The following SLC25A19 variants were observed in gnomAD, a reference collection of about 807,000 sequenced individuals.
SLC25A19 encodes the protein solute carrier family 25 member 19, also known as mitochondrial thiamine pyrophosphate carrier.
A neutral mutation model predicts 27.9 loss-of-function variants in SLC25A19; 18 were observed. The ratio of observed to expected loss-of-function variants is 0.64; its 90% CI spans 0.45 to 0.96. SLC25A19 has a LOEUF of 0.96. Ranked by LOEUF, SLC25A19 falls within the 40% of genes least tolerant of loss-of-function variation. The pLI is 0.00. For synonymous variants in SLC25A19, 169 were observed against 167.1 expected, an observed-to-expected ratio of 1.01 and a Z score of -0.09; for missense variants, 371 against 418.3, an observed-to-expected ratio of 0.89 and a Z score of 0.99.
At chr17:75,277,235 G>T in intron 7 of SLC25A19, 118 bp downstream of exon 7, 1 of 1,350,612 alleles carries the variant, frequency 7.4e-7, no homozygotes, top group Non-Finnish European at 1.0e-6. Context: ...ATGGACGCAG[G>T]TGAAGGGGCC....
rs569053393 is a variant in SLC25A19 at position 75,286,163 on chromosome 17, T to G, written c.288+141A>C. On this transcript the variant is annotated intron_variant, in intron 4 of 7. Coordinates refer to ENST00000416858, the MANE Select transcript of SLC25A19 (RefSeq NM_001126121.2). ...CTACGGTACTGCTGGTCAGGAAGGC[T>G]CCCGGGTGAGGCAGGTGGGAAGCGT... The G allele has an allele frequency of 2.9e-6, 3 of 1,025,792 alleles. No homozygotes were observed. The South Asian group carries it at 3.9e-5, about 13-fold the overall frequency. 63.5% of individuals were successfully genotyped at this position (1,025,792 alleles called of 1,614,324 possible).
chr17:75,289,099 A>C (rs544993088), intron 1 of SLC25A19: 1 of 152,306 alleles, frequency 6.6e-6, no homozygotes, highest in East Asian at 1.9e-4. Flanking sequence ...CTAGGTGTCC[A>C]CGTGTGCCTC....
In SLC25A19 at chr17:75,278,153, A is replaced by G. The variant is rs147091827; in HGVS notation, c.642T>C (p.Asn214=). The G allele has an allele frequency of 2.4e-4, 394 of 1,613,144 alleles. 5 individuals carry two copies. In the East Asian group the frequency reaches 6.7e-3, roughly 27 times the overall value. Residue 214 remains asparagine, a splice_region_variant and synonymous_variant, in exon 6 of 8, where the codon AAT becomes AAC. Coordinates refer to ENST00000416858, the MANE Select transcript of SLC25A19 (RefSeq NM_001126121.2). The part of the protein sequence containing the change: ...KWAIPAEGKK[N]ENLQNLLCGS... The stretch of plus-strand genomic sequence containing the variant: ...CCTCTCGTGTGAGGGCTGCCTCACC[A>G]TTTTTCTTTCCTTCGGCTGGTATGG...
At chr17:75,281,877 A>AC (rs2078046697) in intron 5 of SLC25A19, among the ~76,000 whole-genome samples, 1 of 152,152 alleles carries the variant, frequency 6.6e-6, no homozygotes. Context: ...GACATAGAGC[A>AC]CCCCGCACAG....
rs797045968 is a variant in SLC25A19 at position 75,273,625 on chromosome 17, C to G, written c.789G>C (p.Lys263Asn). 3 of 1,612,716 alleles carry G rather than the reference C, an allele frequency of 1.9e-6. No homozygotes were observed. Among genetic ancestry groups the G allele is most frequent in the South Asian group, 1.1e-5 (1 of 91,018 alleles). The change falls in exon 8 of 8, where the codon AAG becomes AAC. Residue 263 changes from lysine to asparagine, a missense_variant. Physicochemically the swap from Lys to Asn is moderately conservative, Grantham distance 94. Transcript: ENST00000416858. ...CCTGCTTGGCACAGTCCATGAGGCCCTTGTATCTCCGTACCTGGGGAGAGG... is the reference window on the plus strand; with the variant it reads ...CCTGCTTGGCACAGTCCATGAGGCCGTTGTATCTCCGTACCTGGGGAGAGG... ...RAAFGQVRRY[K>N]GLMDCAKQVL...
Position 75,280,209 on chromosome 17 carries a change from A to C in SLC25A19, c.460-1874T>G, listed in dbSNP as rs1016362994. On this transcript the variant is annotated intron_variant, in intron 5 of 7. Coordinates refer to ENST00000416858, the MANE Select transcript of SLC25A19 (RefSeq NM_001126121.2). ...TGGTGAATGAAACTCCATCTCTACAAAAAATACAAAAATTAGCCAGGTGTG... is the reference window on the plus strand; with the variant it reads ...TGGTGAATGAAACTCCATCTCTACACAAAATACAAAAATTAGCCAGGTGTG... Among the ~76,000 whole-genome samples, 10 of 152,048 alleles carry C rather than the reference A, an allele frequency of 6.6e-5. 1 individual carries two copies. Among genetic ancestry groups the C allele is most frequent in the African/African-American group, 2.4e-4 (10 of 41,408 alleles).
chr17:75,282,715 G>T (rs931671090), intron 5 of SLC25A19, among the ~76,000 whole-genome samples: 12 of 151,768 alleles, frequency 7.9e-5, no homozygotes, highest in African/African-American at 1.2e-4. Flanking sequence ...AGCTGGGCGT[G>T]GTGGCGGGCA....
At chr17:75,282,624 G>A (rs1274744762) in intron 5 of SLC25A19, among the ~76,000 whole-genome samples, 2 of 152,112 alleles carry the variant, frequency 1.3e-5, no homozygotes, top group Non-Finnish European at 2.9e-5. Flanking sequence ...GGGAGGCCGA[G>A]GCAGGCGGAT....
chr17:75,277,364 C>T lies in SLC25A19; in HGVS notation c.763G>A (p.Ala255Thr), dbSNP rs549415779. Residue 255 changes from alanine to threonine, a missense_variant, in exon 7 of 8, where the codon GCC (alanine) becomes ACC (threonine). Transcript: ENST00000416858. The stretch of plus-strand genomic sequence containing the variant: ...AGTGAACGGCTCACCTGGCCAAAGG[C>T]AGCTCTGGCATGCTCAAACCCTCCA... The part of the protein sequence containing the change: ...QVGGFEHARA[A>T]FGQVRRYKGL... 1.1e-5 allele frequency: 18 copies of T among 1,613,580 alleles called. 1 individual carries two copies. The South Asian group carries it at 2.0e-4, about 18-fold the overall frequency.
In SLC25A19 at chr17:75,274,704, G is replaced by A. The variant is rs539244962; in HGVS notation, c.775-1065C>T. ...TGCCTGCAGTCCCAGCTACTTGGGA[G>A]GCTGAGAGGGGAGGATCGCTTGAGC... On this transcript the variant is annotated intron_variant, in intron 7 of 7. Coordinates refer to ENST00000416858, the MANE Select transcript of SLC25A19 (RefSeq NM_001126121.2). Among the ~76,000 whole-genome samples the A allele has an allele frequency of 1.7e-3, 260 of 152,240 alleles. 3 individuals are homozygous for A. The highest frequency in any genetic ancestry group is 6.0e-3 in the African/African-American group (251 of 41,536).
Position 75,283,401 on chromosome 17 carries a change from G to C in SLC25A19, c.459+22C>G, listed in dbSNP as rs116944621. Reference sequence around the variant, plus strand: ...ACACCTTCCTTATTTGGGCTTCCCCGGTCTGGCTCCTGGCCACTCACCTTG... The same window carrying C: ...ACACCTTCCTTATTTGGGCTTCCCCCGTCTGGCTCCTGGCCACTCACCTTG... On this transcript the variant is annotated intron_variant, in intron 5 of 7. Transcript: ENST00000416858. 7.4e-5 allele frequency: 119 copies of C among 1,610,480 alleles called. No individual in the cohort carries two copies. The East Asian group carries it at 2.6e-3, about 35-fold the overall frequency.
intron 6 of SLC25A19, among the ~76,000 whole-genome samples, chr17:75,277,848 G>A (rs577312391): frequency 8.3e-6 from 1 of 120,530 alleles, no homozygotes; most frequent in South Asian, 2.9e-4. Flanking sequence ...CCTGGAAAAA[G>A]CAACTGAAGA....
chr17:75,280,472 C>T lies in SLC25A19; in HGVS notation c.460-2137G>A, dbSNP rs369300587. On this transcript the variant is annotated intron_variant, in intron 5 of 7. Coordinates refer to ENST00000416858, the MANE Select transcript of SLC25A19 (RefSeq NM_001126121.2). ...ATCACTTGAGGCCAGCAGTTCCAGA[C>T]CAGCCTGGCCAACATGTCAAAATCC... Among the ~76,000 whole-genome samples the T allele has an allele frequency of 3.9e-5, 6 of 152,154 alleles. No homozygotes were observed. The South Asian group carries it at 1.2e-3, about 32-fold the overall frequency.
chr17:75,277,399 C>A lies in SLC25A19; in HGVS notation c.728G>T (p.Arg243Leu). 3.1e-6 allele frequency: 5 copies of A among 1,614,016 alleles called. No individual in the cohort carries two copies. The highest frequency in any genetic ancestry group is 4.2e-6 in the Non-Finnish European group (5 of 1,179,982). ...ATGCTCAAACCCTCCAACCTGTAGCCGCTTCTTGAAGAGGTCCAGCGGATA... is the reference window on the plus strand; with the variant it reads ...ATGCTCAAACCCTCCAACCTGTAGCAGCTTCTTGAAGAGGTCCAGCGGATA... ...LTYPLDLFKK[R>L]LQVGGFEHAR... is the part of the protein sequence containing the mutation. Residue 243 changes from arginine to leucine, a missense_variant, in exon 7 of 8, where the codon CGG becomes CTG. Physicochemically the swap from Arg to Leu is moderately radical, Grantham distance 102. Transcript: ENST00000416858.
intron 5 of SLC25A19, among the ~76,000 whole-genome samples, chr17:75,282,738 G>GCTA (rs1382666569): frequency 6.6e-6 from 1 of 151,628 alleles, no homozygotes; most frequent in Non-Finnish European, 1.5e-5. Context: ...TGTAGTCCCA[G>GCTA]CTACTCGGGA....
At chr17:75,279,770 G>C (rs768063169) in intron 5 of SLC25A19, among the ~76,000 whole-genome samples, 10 of 152,166 alleles carry the variant, frequency 6.6e-5, no homozygotes, top group Non-Finnish European at 1.3e-4. Context: ...GCCTCCCAAA[G>C]TGCTGGGATT....
intron 5 of SLC25A19, among the ~76,000 whole-genome samples, chr17:75,279,668 C>G (rs546983842): frequency 3.3e-5 from 5 of 152,148 alleles, no homozygotes; most frequent in African/African-American, 9.6e-5. Context: ...GACACCACGC[C>G]CAACTAATTT....
At chr17:75,288,888 G>A (rs941769789) in intron 1 of SLC25A19, 4 of 152,232 alleles carry the variant, frequency 2.6e-5, no homozygotes, top group African/African-American at 9.6e-5. Flanking sequence ...AACCTCTCCA[G>A]GGGTTACCCA....
intron 7 of SLC25A19, among the ~76,000 whole-genome samples, chr17:75,276,985 G>T (rs1226231702): frequency 6.7e-6 from 1 of 149,634 alleles, no homozygotes; most frequent in Admixed American, 6.7e-5. Context: ...GCCCGGCCAG[G>T]ATATGTTTTA....
Sources: gnomAD v4.1 joint callset for allele counts (sites outside exome capture counted in the v4.1 genomes callset) on GRCh38, gnomAD v4.1.1 for gene constraint, MANE v1.5 for transcripts, NCBI Gene and HGNC (gene_info 2026-07-23, HGNC 2026-07-21) for gene names.